The following GRIP1 variants were observed in gnomAD, a reference collection of about 807,000 sequenced individuals.
GRIP1 encodes the protein glutamate receptor interacting protein 1, also known as glutamate receptor-interacting protein 1.
In GRIP1, 45 loss-of-function variants were observed where a neutral mutation model predicts 129.9. That is an observed-to-expected ratio of 0.35 (90% CI 0.27 to 0.44). The LOEUF is 0.44. Ranked by LOEUF, GRIP1 falls within the 20% of genes least tolerant of loss-of-function variation. The pLI is 1.00. For missense variants in GRIP1, 1,196 were observed against 1,396.8 expected (o/e 0.86, Z 2.29); for synonymous variants, 530 against 520.8 (o/e 1.02, Z -0.24).
At chr12:66,579,778 T>C (rs2063298262) in intron 2 of GRIP1, among the ~76,000 whole-genome samples, 1 of 151,804 alleles carries the variant, frequency 6.6e-6, no homozygotes, top group Non-Finnish European at 1.5e-5. Context: ...AATCTACATC[T>C]GATTGGTGTC....
chr12:66,601,052 T>C (rs902099830), intron 1 of GRIP1, among the ~76,000 whole-genome samples: 5 of 152,076 alleles, frequency 3.3e-5, no homozygotes, highest in African/African-American at 1.2e-4. Flanking sequence ...TAGGGAAAAA[T>C]GCCCTCCATT....
At chr12:66,998,115 A>G (rs1276011542) in intron 1 of GRIP1, among the ~76,000 whole-genome samples, 1 of 152,160 alleles carries the variant, frequency 6.6e-6, no homozygotes, top group Non-Finnish European at 1.5e-5. Flanking sequence ...TGCTATCCAT[A>G]TGTGGCTATT....
At chr12:66,445,607 G>A (rs1348018989) in intron 11 of GRIP1, 99 bp from the exon 12 acceptor site, 2 of 772,396 alleles carry the variant, frequency 2.6e-6, no homozygotes, top group Non-Finnish European at 4.1e-6. Context: ...AAAACTGAAT[G>A]GCAATGGTGG....
intron 2 of GRIP1, among the ~76,000 whole-genome samples, chr12:66,595,395 A>G (rs1368767812): frequency 6.6e-6 from 1 of 152,232 alleles, no homozygotes; most frequent in Non-Finnish European, 1.5e-5. Flanking sequence ...AGAACCCATG[A>G]AAAGAAAACA....
intron 1 of GRIP1, among the ~76,000 whole-genome samples, chr12:66,841,056 A>G (rs1488449375): frequency 6.6e-6 from 1 of 152,190 alleles, no homozygotes; most frequent in Admixed American, 6.5e-5. Flanking sequence ...TTAAAAAATT[A>G]TTTGTTTTTT....
intron 16 of GRIP1, among the ~76,000 whole-genome samples, chr12:66,395,699 T>G (rs2056761281): frequency 6.6e-6 from 1 of 152,202 alleles, no homozygotes; most frequent in African/African-American, 2.4e-5. Flanking sequence ...CATTCAGAAC[T>G]AAAGACCATC....
chr12:66,656,690 C>T (rs2033177960), intron 1 of GRIP1, among the ~76,000 whole-genome samples: 1 of 152,080 alleles, frequency 6.6e-6, no homozygotes, highest in Non-Finnish European at 1.5e-5. Flanking sequence ...AAGGCTGTAT[C>T]CTTAGGTGTT....
intron 2 of GRIP1, among the ~76,000 whole-genome samples, chr12:66,561,484 C>G (rs898409148): frequency 2.7e-5 from 4 of 150,798 alleles, no homozygotes; most frequent in African/African-American, 9.8e-5. Context: ...AAATTAAAAA[C>G]TAAAAAAAAA....
At chr12:66,431,772 A>G (rs1031197701) in intron 14 of GRIP1, among the ~76,000 whole-genome samples, 8 of 152,146 alleles carry the variant, frequency 5.3e-5, no homozygotes, top group African/African-American at 1.9e-4. Flanking sequence ...AAGCCCCCCA[A>G]AACCCTCAAT....
intron 1 of GRIP1, among the ~76,000 whole-genome samples, chr12:66,835,813 G>C (rs543383046): frequency 6.6e-5 from 10 of 152,294 alleles, no homozygotes; most frequent in African/African-American, 2.2e-4. Flanking sequence ...CCCCATTGGT[G>C]CATACATGTC....
Position 66,785,339 on chromosome 12 carries a change from C to CATATATAT in GRIP1, c.-420+18713_-420+18714insATATATAT, listed in dbSNP as rs1242812457. Among the ~76,000 whole-genome samples, 139 of 36,458 alleles carry CATATATAT rather than the reference C, an allele frequency of 3.8e-3. 3 individuals carry two copies. The highest frequency in any genetic ancestry group is 5.0e-3 in the African/African-American group (62 of 12,310). The allele number at this position is 36,458 out of a possible 152,430, so 23.9% of individuals were successfully genotyped here. A position where few individuals can be genotyped will look rare whatever the true frequency, so the allele number is the denominator to read the frequency against. On this transcript the variant is annotated intron_variant, in intron 1 of 4. Transcript: ENST00000538373. ...ACATACATACATACATACATACATA[C>CATATATAT]ATACATATATATATATATATATATT... is the stretch of plus-strand genomic sequence containing the variant.
chr12:66,937,447 G>A (rs1391133160), intron 1 of GRIP1, among the ~76,000 whole-genome samples: 1 of 152,176 alleles, frequency 6.6e-6, no homozygotes, highest in African/African-American at 2.4e-5. Context: ...ATAAATAGCT[G>A]ATGTTTAATA....
chr12:67,016,228 C>T (rs948980728), intron 1 of GRIP1, among the ~76,000 whole-genome samples: 12 of 152,054 alleles, frequency 7.9e-5, no homozygotes, highest in Non-Finnish European at 1.3e-4. Context: ...GATAGAAATT[C>T]CAAACGCTTG....
intron 16 of GRIP1, among the ~76,000 whole-genome samples, chr12:66,400,026 T>C (rs1050718268): frequency 3.9e-5 from 6 of 151,946 alleles, no homozygotes; most frequent in African/African-American, 1.2e-4. Context: ...TCAAATTTCT[T>C]TGTGTAAGTG....
At chr12:66,795,613 T>C (rs922167125) in intron 1 of GRIP1, among the ~76,000 whole-genome samples, 9 of 152,180 alleles carry the variant, frequency 5.9e-5, no homozygotes, top group African/African-American at 1.9e-4. Flanking sequence ...TAGTAAGTTA[T>C]GTAGAAAATA....
chr12:66,930,887 T>G (rs562047786), intron 1 of GRIP1, among the ~76,000 whole-genome samples: 1 of 152,260 alleles, frequency 6.6e-6, no homozygotes, highest in Admixed American at 6.5e-5. Context: ...ATCCCAGACT[T>G]AAAGCAAAGG....
chr12:66,451,659 C>A (rs2058810698), intron 11 of GRIP1, among the ~76,000 whole-genome samples: 1 of 151,972 alleles, frequency 6.6e-6, no homozygotes, highest in Non-Finnish European at 1.5e-5. Context: ...ATCCACCCGC[C>A]TCAGCCTCCC....
intron 1 of GRIP1, among the ~76,000 whole-genome samples, chr12:67,011,416 T>C (rs1380871129): frequency 6.6e-6 from 1 of 152,184 alleles, no homozygotes; most frequent in East Asian, 1.9e-4. Context: ...AAGAACGCTG[T>C]TTTTAGAAGG....
chr12:67,026,271 T>C lies in GRIP1; in HGVS notation c.58+42779A>G, dbSNP rs1245084731. Among the ~76,000 whole-genome samples, 6 of 152,342 alleles carry C rather than the reference T, an allele frequency of 3.9e-5. No individual in the cohort carries two copies. In the East Asian group the frequency reaches 9.6e-4, roughly 24 times the overall value. On this transcript the variant is annotated intron_variant, in intron 1 of 1. Coordinates refer to the GRIP1 transcript ENST00000643019. ...ACAAATGTCATGCCTAATCTTACCATTCAAAGATAACACCATTAAAAGCTG... is the reference window on the plus strand; with the variant it reads ...ACAAATGTCATGCCTAATCTTACCACTCAAAGATAACACCATTAAAAGCTG...
Sources: gnomAD v4.1 joint callset for allele counts (sites outside exome capture counted in the v4.1 genomes callset) on GRCh38, gnomAD v4.1.1 for gene constraint, MANE v1.5 for transcripts, NCBI Gene and HGNC (gene_info 2026-07-23, HGNC 2026-07-21) for gene names.